NELL1: variants seen among roughly 807,000 people sequenced by gnomAD.
NELL1 encodes the protein neural EGFL like 1.
Under a neutral mutation model 107.4 loss-of-function variants are expected in NELL1, and 76 were observed. The ratio of observed to expected loss-of-function variants is 0.71; its 90% confidence interval spans 0.59 to 0.86. The LOEUF is 0.86. Ranked by LOEUF, NELL1 falls within the 40% of genes least tolerant of loss-of-function variation. The pLI, the probability that NELL1 is intolerant of heterozygous loss-of-function variation, is 0.00. For synonymous variants in NELL1, 353 were observed against 341.2 expected, an observed-to-expected ratio of 1.03 and a Z score of -0.38; for missense variants, 1,024 against 1,005.5, an observed-to-expected ratio of 1.02 and a Z score of -0.25.
intron 13 of NELL1, among the ~76,000 whole-genome samples, chr11:21,228,034 A>G (rs1857939785): frequency 6.6e-6 from 1 of 152,176 alleles, no homozygotes; most frequent in Non-Finnish European, 1.5e-5. Flanking sequence ...TTTTGTTCCA[A>G]TTAGTGTTAT....
At chr11:21,116,946 T>C (rs1565068534) in intron 13 of NELL1, among the ~76,000 whole-genome samples, 2 of 152,054 alleles carry the variant, frequency 1.3e-5, no homozygotes, top group Admixed American at 1.3e-4. Context: ...ATCAAATCCC[T>C]GTTTCTTATT....
chr11:20,929,969 C>CAAAAAAAAAAAATAAAAAAAA (rs971079446), intron 9 of NELL1, among the ~76,000 whole-genome samples: 1 of 93,844 alleles, frequency 1.1e-5, no homozygotes, highest in Non-Finnish European at 2.2e-5. Context: ...GAGTCTGTCT[C>CAAAAAAAAAAAATAAAAAAAA]AAAAAAAAAA....
chr11:21,304,719 A>T (rs1405024155), intron 14 of NELL1, among the ~76,000 whole-genome samples: 2 of 151,936 alleles, frequency 1.3e-5, no homozygotes, highest in Non-Finnish European at 2.9e-5. Flanking sequence ...TTTAAAGAGT[A>T]TATATCACCT....
chr11:21,261,851 C>A (rs1848540369), intron 14 of NELL1, among the ~76,000 whole-genome samples: 1 of 151,888 alleles, frequency 6.6e-6, no homozygotes. Flanking sequence ...TCCCTAGAGG[C>A]AACCACTTTC....
At chr11:21,573,140 A>G (rs1414391128) in intron 18 of NELL1, 45 bp from the exon 19 acceptor site, 1 of 1,438,228 alleles carries the variant, frequency 7.0e-7, no homozygotes, top group Non-Finnish European at 9.8e-7. Flanking sequence ...GAATAAAATT[A>G]TGCATAGGAA....
At chr11:21,144,709 C>A (rs1375889249) in intron 13 of NELL1, among the ~76,000 whole-genome samples, 1 of 152,126 alleles carries the variant, frequency 6.6e-6, no homozygotes, top group African/African-American at 2.4e-5. Context: ...GTAGTAGTTA[C>A]TGCAGGTAGA....
intron 16 of NELL1, among the ~76,000 whole-genome samples, chr11:21,549,375 A>T (rs1444949202): frequency 2.0e-5 from 3 of 151,914 alleles, no homozygotes; most frequent in Admixed American, 6.6e-5. Context: ...ATCAATCATA[A>T]CTCAATAAAA....
chr11:21,573,039 A>C, intron 18 of NELL1, 146 bp from the exon 19 acceptor site: 3 of 646,616 alleles, frequency 4.6e-6, no homozygotes, highest in Non-Finnish European at 8.1e-6. Flanking sequence ...TAGGTCTTCA[A>C]GGAGGAAGTG....
chr11:20,935,429 G>T (rs957969925), intron 9 of NELL1, among the ~76,000 whole-genome samples: 1 of 152,130 alleles, frequency 6.6e-6, no homozygotes, highest in Non-Finnish European at 1.5e-5. Context: ...GTAAGGCCCG[G>T]AAGTGAGAGA....
intron 3 of NELL1, among the ~76,000 whole-genome samples, chr11:20,797,674 T>C (rs938750659): frequency 2.7e-5 from 4 of 150,722 alleles, no homozygotes; most frequent in Middle Eastern, 3.2e-3. Context: ...GTGGTGCCAA[T>C]TGAGGGAAGT....
chr11:21,278,557 G>T (rs866289902), intron 14 of NELL1, among the ~76,000 whole-genome samples: 2 of 152,020 alleles, frequency 1.3e-5, no homozygotes, highest in African/African-American at 2.4e-5. Flanking sequence ...ACCCCAAAAT[G>T]ATATACTTAG....
chr11:20,784,413 C>T (rs368538371), intron 3 of NELL1, among the ~76,000 whole-genome samples: 11 of 152,102 alleles, frequency 7.2e-5, no homozygotes, highest in South Asian at 4.2e-4. Context: ...ATGCTGAATG[C>T]GAAGGAGTAA....
At chr11:20,803,597 G>C (rs1157551109) in intron 3 of NELL1, among the ~76,000 whole-genome samples, 1 of 151,892 alleles carries the variant, frequency 6.6e-6, no homozygotes, top group African/African-American at 2.4e-5. Context: ...TTTGAGTTTG[G>C]TTTGGTCTTG....
chr11:21,282,416 G>A (rs920386547), intron 14 of NELL1, among the ~76,000 whole-genome samples: 2 of 149,024 alleles, frequency 1.3e-5, no homozygotes, highest in African/African-American at 2.5e-5. Flanking sequence ...AGAGGTGGAG[G>A]TTGTAGTGAG....
At chr11:21,506,656 ATTACTATTAT>A (rs1855286856) in intron 15 of NELL1, among the ~76,000 whole-genome samples, 1 of 152,154 alleles carries the variant, frequency 6.6e-6, no homozygotes, top group South Asian at 2.1e-4. Flanking sequence ...AATAGTTATT[ATTACTATTAT>A]TATCTCAAAA....
At chr11:20,857,878 C>G (rs1848912540) in intron 4 of NELL1, among the ~76,000 whole-genome samples, 1 of 152,186 alleles carries the variant, frequency 6.6e-6, no homozygotes, top group Admixed American at 6.5e-5. Flanking sequence ...GCATGGAGCA[C>G]TGAATACACC....
At chr11:21,206,970 A>C (rs1014993984) in intron 13 of NELL1, among the ~76,000 whole-genome samples, 1 of 152,226 alleles carries the variant, frequency 6.6e-6, no homozygotes, top group Non-Finnish European at 1.5e-5. Context: ...AGCAAAAAGG[A>C]CACTGTGGGG....
chr11:20,959,411 A>G (rs558084022), intron 11 of NELL1, among the ~76,000 whole-genome samples: 2 of 152,328 alleles, frequency 1.3e-5, no homozygotes, highest in African/African-American at 4.8e-5. Flanking sequence ...TTGCAAAGAC[A>G]TGGAACCAAC....
At chr11:21,036,358 T>A (rs954523174) in intron 12 of NELL1, among the ~76,000 whole-genome samples, 1 of 152,116 alleles carries the variant, frequency 6.6e-6, no homozygotes, top group African/African-American at 2.4e-5. Context: ...ACCAACGACA[T>A]CCTTCACAGA....
Sources: allele counts gnomAD v4.1 joint callset (sites outside exome capture counted in the v4.1 genomes callset), GRCh38; gene constraint gnomAD v4.1.1; transcripts MANE v1.5; gene names NCBI Gene and HGNC (gene_info 2026-07-23, HGNC 2026-07-21).